NREP: variants seen among roughly 807,000 people sequenced by gnomAD.
NREP encodes the protein neuronal regeneration related protein.
In NREP, 5 loss-of-function variants were observed where a neutral mutation model predicts 8.6. That is an observed-to-expected ratio of 0.58 (90% CI 0.30 to 1.22). The LOEUF (loss-of-function observed/expected upper bound fraction) is 1.22, where lower values mean the gene tolerates loss of function less well. Among genes scored for constraint, NREP ranks in the 50% most tolerant of loss-of-function variants. The pLI is 0.07. For synonymous variants in NREP, 27 were observed against 28.0 expected, an observed-to-expected ratio of 0.96 and a Z score of 0.11; for missense variants, 86 against 82.5, an observed-to-expected ratio of 1.04 and a Z score of -0.17.
chr5:111,891,762 T>G (rs1198311862), intron 2 of NREP, among the ~76,000 whole-genome samples: 1 of 152,082 alleles, frequency 6.6e-6, no homozygotes, highest in African/African-American at 2.4e-5. Context: ...GGTGCCACAT[T>G]CTTTTAAACA....
chr5:111,921,062 G>C (rs1489659523), intron 2 of NREP, among the ~76,000 whole-genome samples: 1 of 152,108 alleles, frequency 6.6e-6, no homozygotes, highest in African/African-American at 2.4e-5. Context: ...GCTGCTTTTT[G>C]TCAGAAGACA....
chr5:111,758,234 C>T, upstream of NREP: 11 of 985,584 alleles, frequency 1.1e-5, no homozygotes, highest in Non-Finnish European at 1.3e-5. Flanking sequence ...CACACACGTG[C>T]ACACAGTCAC....
chr5:111,896,590 T>G (rs968602738), intron 2 of NREP, among the ~76,000 whole-genome samples: 1 of 152,162 alleles, frequency 6.6e-6, no homozygotes, highest in Non-Finnish European at 1.5e-5. Context: ...CTACCAACCA[T>G]TTAAACCGGA....
intron 2 of NREP, among the ~76,000 whole-genome samples, chr5:111,788,794 G>A (rs1050231588): frequency 6.6e-6 from 1 of 152,196 alleles, no homozygotes; most frequent in South Asian, 2.1e-4. Flanking sequence ...CTGTGAGAAT[G>A]TTTTTGTATG....
At chr5:111,946,151 T>C (rs1437189606) in intron 2 of NREP, among the ~76,000 whole-genome samples, 1 of 151,482 alleles carries the variant, frequency 6.6e-6, no homozygotes. Context: ...TCTAATAATA[T>C]AGAGTTGCCA....
In NREP at chr5:111,916,083, A is replaced by G. The variant is rs1581215514; in HGVS notation, c.135+59191T>C. ...ACCTCACCTTTAAAAGCTCACTATT[A>G]GGAGCCATAGTCGCAAGCCAAAGAA... On this transcript the variant is annotated intron_variant, in intron 2 of 3. Coordinates refer to the NREP transcript ENST00000395634. 4.6e-5 allele frequency among the ~76,000 whole-genome samples: 7 copies of G among 152,154 alleles called. No homozygotes were observed. The South Asian group carries it at 1.4e-3, about 32-fold the overall frequency.
At chr5:111,736,518 A>T (rs1314772407) in intron 2 of NREP, among the ~76,000 whole-genome samples, 1 of 152,160 alleles carries the variant, frequency 6.6e-6, no homozygotes, top group Non-Finnish European at 1.5e-5. Flanking sequence ...ACAGACTTAG[A>T]TGTGTGTTTA....
chr5:111,786,757 A>G (rs1178994874), intron 2 of NREP, among the ~76,000 whole-genome samples: 1 of 152,228 alleles, frequency 6.6e-6, no homozygotes, highest in Non-Finnish European at 1.5e-5. Flanking sequence ...AGATTTATCA[A>G]TGTTAATCTT....
intron 2 of NREP, among the ~76,000 whole-genome samples, chr5:111,864,017 A>C (rs962127899): frequency 6.6e-6 from 1 of 152,168 alleles, no homozygotes; most frequent in Non-Finnish European, 1.5e-5. Flanking sequence ...GCTCACAAAG[A>C]TTCAAGAGAA....
intron 2 of NREP, among the ~76,000 whole-genome samples, chr5:111,918,445 G>A (rs975636797): frequency 1.3e-5 from 2 of 152,138 alleles, no homozygotes; most frequent in African/African-American, 4.8e-5. Context: ...CATGCTACCT[G>A]ACTTCAAACT....
At chr5:111,755,863 C>G (rs757673815) in intron 1 of NREP, 33 bp from the exon 2 acceptor site, 2 of 1,609,804 alleles carry the variant, frequency 1.2e-6, no homozygotes, top group Non-Finnish European at 1.7e-6. Flanking sequence ...GTAGACACAT[C>G]GCCTCACCAC....
At chr5:111,798,584 C>T (rs1190040258) in intron 2 of NREP, among the ~76,000 whole-genome samples, 1 of 152,082 alleles carries the variant, frequency 6.6e-6, no homozygotes, top group Non-Finnish European at 1.5e-5. Context: ...CCTCAGTCCT[C>T]ATAGTTTAGG....
At chr5:111,912,983 G>A (rs1043670970) in intron 2 of NREP, among the ~76,000 whole-genome samples, 4 of 152,022 alleles carry the variant, frequency 2.6e-5, no homozygotes, top group Admixed American at 6.6e-5. Flanking sequence ...ACCAGTAATT[G>A]ATTTTGAGTC....
intron 2 of NREP, among the ~76,000 whole-genome samples, chr5:111,959,601 C>T (rs1243534810): frequency 6.6e-6 from 1 of 151,780 alleles, no homozygotes; most frequent in African/African-American, 2.4e-5. Flanking sequence ...CAAATTAAAA[C>T]AATATACGAT....
chr5:111,782,274 A>G (rs921894872), intron 2 of NREP, among the ~76,000 whole-genome samples: 1 of 152,216 alleles, frequency 6.6e-6, no homozygotes, highest in African/African-American at 2.4e-5. Context: ...AAAGTTCTGC[A>G]GTATATGGAA....
At chr5:111,862,371 C>T (rs1347677319) in intron 2 of NREP, among the ~76,000 whole-genome samples, 1 of 152,144 alleles carries the variant, frequency 6.6e-6, no homozygotes, top group African/African-American at 2.4e-5. Context: ...TGTGCACCCA[C>T]TTCTTTATTC....
chr5:111,895,621 G>T (rs149998306), intron 2 of NREP, among the ~76,000 whole-genome samples: 204 of 152,072 alleles, frequency 1.3e-3, no homozygotes, highest in Middle Eastern at 0.01. Context: ...CCTTAACTTG[G>T]GTTACTACCC....
intron 2 of NREP, among the ~76,000 whole-genome samples, chr5:111,905,434 T>C (rs1754757896): frequency 6.6e-6 from 1 of 152,156 alleles, no homozygotes. Flanking sequence ...TGCTAAAATA[T>C]TGAAGTAGAC....
chr5:111,791,000 TG>T (rs1751732991), intron 2 of NREP, among the ~76,000 whole-genome samples: 1 of 152,094 alleles, frequency 6.6e-6, no homozygotes, highest in Non-Finnish European at 1.5e-5. Flanking sequence ...ATGTGCAGGG[TG>T]GGAGAGGGTC....
Sources: allele counts gnomAD v4.1 joint callset (sites outside exome capture counted in the v4.1 genomes callset), GRCh38; gene constraint gnomAD v4.1.1; transcripts MANE v1.5; gene names NCBI Gene and HGNC (gene_info 2026-07-23, HGNC 2026-07-21).